Variants in CDH12 observed in about 807,000 individuals in gnomAD.
CDH12 encodes cadherin 12, also known as cadherin-12.
A neutral mutation model predicts 74.1 loss-of-function variants in CDH12; 41 were observed. The observed-to-expected ratio is 0.55, with a 90% CI of 0.43 to 0.72. The LOEUF (loss-of-function observed/expected upper bound fraction) is 0.72, where lower values mean the gene tolerates loss of function less well. Among genes scored for constraint, CDH12 ranks in the 30% least tolerant of loss-of-function variants. The pLI is 0.00. For missense variants in CDH12, 945 were observed against 977.2 expected (o/e 0.97, Z 0.44); for synonymous variants, 399 against 355.0 (o/e 1.12, Z -1.39).
At chr5:22,164,365 AG>A (rs1267086613) in intron 4 of CDH12, among the ~76,000 whole-genome samples, 1 of 152,214 alleles carries the variant, frequency 6.6e-6, no homozygotes. Flanking sequence ...TTAGCTGTGC[AG>A]GAACAATGGC....
chr5:22,434,974 C>G (rs908514522), intron 2 of CDH12, among the ~76,000 whole-genome samples: 8 of 152,060 alleles, frequency 5.3e-5, no homozygotes, highest in Non-Finnish European at 1.0e-4. Context: ...CTTGTTCATT[C>G]CTGGGTGTAG....
At chr5:22,633,325 T>C (rs1580836001) in intron 1 of CDH12, among the ~76,000 whole-genome samples, 1 of 152,302 alleles carries the variant, frequency 6.6e-6, no homozygotes. Context: ...TGAAAGTGAA[T>C]ATAAAAGTGC....
intron 1 of CDH12, among the ~76,000 whole-genome samples, chr5:22,644,729 T>C (rs571453572): frequency 6.6e-6 from 1 of 151,968 alleles, no homozygotes; most frequent in African/African-American, 2.4e-5. Flanking sequence ...TTTTAGGATT[T>C]TAATAGAAAG....
At chr5:22,437,476 A>T (rs927918851) in intron 2 of CDH12, among the ~76,000 whole-genome samples, 1 of 151,756 alleles carries the variant, frequency 6.6e-6, no homozygotes, top group African/African-American at 2.4e-5. Flanking sequence ...AGTGTTATCC[A>T]TAAAGTGAGA....
intron 10 of CDH12, among the ~76,000 whole-genome samples, chr5:21,792,128 CAATT>C (rs933351184): frequency 1.3e-5 from 2 of 151,870 alleles, no homozygotes; most frequent in African/African-American, 4.8e-5. Flanking sequence ...TTTTGGAAGA[CAATT>C]AAAGAAAGTA....
Position 22,181,121 on chromosome 5 carries a change from G to A in CDH12, c.-187+31377C>T, listed in dbSNP as rs190829563. Among the ~76,000 whole-genome samples, 21 of 152,122 alleles carry A rather than the reference G, an allele frequency of 1.4e-4. No individual in the cohort carries two copies. The East Asian group carries it at 2.5e-3, about 18-fold the overall frequency. On this transcript the variant is annotated intron_variant, in intron 4 of 14. Transcript: ENST00000382254. ...AAATTATCAAGAAGCGTTGTATACC[G>A]TCTGAATCTCTGTTCATTTCTTTCT...
chr5:21,835,357 G>A (rs1017898765), intron 8 of CDH12, among the ~76,000 whole-genome samples: 1 of 148,948 alleles, frequency 6.7e-6, no homozygotes, highest in Non-Finnish European at 1.5e-5. Context: ...TATATGTTAC[G>A]TATGTGTGTG....
intron 3 of CDH12, among the ~76,000 whole-genome samples, chr5:22,239,438 A>G (rs889065782): frequency 2.6e-5 from 4 of 152,168 alleles, no homozygotes; most frequent in Non-Finnish European, 4.4e-5. Flanking sequence ...GTTAAAAAAA[A>G]AAGGGAGACT....
At chr5:21,986,592 T>A (rs562148229) in intron 5 of CDH12, among the ~76,000 whole-genome samples, 19 of 152,228 alleles carry the variant, frequency 1.2e-4, no homozygotes, top group Non-Finnish European at 2.5e-4. Context: ...AGGGAAAAAA[T>A]TTCCAGACAA....
At chr5:22,364,099 T>G (rs1166016852) in intron 3 of CDH12, among the ~76,000 whole-genome samples, 3 of 152,190 alleles carry the variant, frequency 2.0e-5, no homozygotes, top group Non-Finnish European at 4.4e-5. Flanking sequence ...TGGTTTCCAA[T>G]TTAATACAGT....
intron 10 of CDH12, among the ~76,000 whole-genome samples, chr5:21,785,921 T>C (rs1746173044): frequency 6.6e-6 from 1 of 152,158 alleles, no homozygotes; most frequent in African/African-American, 2.4e-5. Flanking sequence ...GAAGATGCCA[T>C]CAAGGACACT....
intron 1 of CDH12, among the ~76,000 whole-genome samples, chr5:22,848,722 C>T (rs1388759807): frequency 1.3e-5 from 2 of 152,114 alleles, no homozygotes; most frequent in African/African-American, 4.8e-5. Context: ...GTAACTCTAG[C>T]TTGGCAATTA....
At chr5:21,895,706 G>C (rs1248325733) in intron 6 of CDH12, among the ~76,000 whole-genome samples, 2 of 152,202 alleles carry the variant, frequency 1.3e-5, no homozygotes, top group Admixed American at 6.5e-5. Flanking sequence ...TCAGGGACTG[G>C]AGTTGAATTC....
chr5:22,718,023 C>T (rs961139496), intron 1 of CDH12, among the ~76,000 whole-genome samples: 3 of 152,126 alleles, frequency 2.0e-5, no homozygotes, highest in African/African-American at 4.8e-5. Flanking sequence ...TCAGCTAATG[C>T]TTTCATATTC....
intron 6 of CDH12, among the ~76,000 whole-genome samples, chr5:21,898,656 C>T (rs10070281): frequency 0.16 from 24,032 of 151,804 alleles, 2,081 homozygotes; most frequent in Admixed American, 0.2. Context: ...GAGCTGAGAT[C>T]GCGCCACTGC....
chr5:21,802,475 A>T, intron 9 of CDH12, 55 bp from the exon 10 acceptor site: 1 of 1,436,674 alleles, frequency 7.0e-7, no homozygotes, highest in African/African-American at 1.4e-5. Flanking sequence ...ATGTGGCAGA[A>T]ATGGTGAACA....
intron 1 of CDH12, among the ~76,000 whole-genome samples, chr5:22,736,014 TTCTATTA>T (rs1453831767): frequency 6.6e-6 from 1 of 151,854 alleles, no homozygotes; most frequent in African/African-American, 2.4e-5. Flanking sequence ...TATTCTGATT[TTCTATTA>T]TCTAACAATT....
intron 9 of CDH12, among the ~76,000 whole-genome samples, chr5:21,808,376 T>G (rs1456142338): frequency 6.6e-6 from 1 of 152,016 alleles, no homozygotes; most frequent in African/African-American, 2.4e-5. Flanking sequence ...TAAGCCTATA[T>G]TATTTTTACC....
At chr5:22,117,529 T>TATATA (rs1745246021) in intron 4 of CDH12, among the ~76,000 whole-genome samples, 2 of 107,170 alleles carry the variant, frequency 1.9e-5, no homozygotes, top group African/African-American at 3.7e-5. Flanking sequence ...ATATAATATA[T>TATATA]ATATATATAT....
Sources: gnomAD v4.1 joint callset for allele counts (sites outside exome capture counted in the v4.1 genomes callset) on GRCh38, gnomAD v4.1.1 for gene constraint, MANE v1.5 for transcripts, NCBI Gene and HGNC (gene_info 2026-07-23, HGNC 2026-07-21) for gene names.